The following SRC variants were observed in gnomAD, a reference collection of about 807,000 sequenced individuals.
The protein encoded by SRC is SRC proto-oncogene, non-receptor tyrosine kinase.
A neutral mutation model predicts 62.9 loss-of-function variants in SRC; 13 were observed. The ratio of observed to expected loss-of-function variants is 0.21; its 90% CI spans 0.13 to 0.33. SRC has a LOEUF of 0.33. Ranked by LOEUF, SRC falls within the 10% of genes least tolerant of loss-of-function variation. SRC has a pLI of 1.00. For synonymous variants in SRC, 302 were observed against 317.5 expected (o/e 0.95, Z 0.52); for missense variants, 457 against 737.3 (o/e 0.62, Z 4.40).
intron 1 of SRC, among the ~76,000 whole-genome samples, chr20:37,359,713 C>T (rs780034269): frequency 4.6e-5 from 7 of 152,118 alleles, no homozygotes; most frequent in Non-Finnish European, 7.3e-5. Context: ...CCATCTAAAA[C>T]GCAGGCTTTG....
intron 1 of SRC, among the ~76,000 whole-genome samples, chr20:37,347,736 G>T (rs1322966252): frequency 6.6e-6 from 1 of 152,186 alleles, no homozygotes; most frequent in Non-Finnish European, 1.5e-5. Flanking sequence ...CACCTTTTAG[G>T]AGGTACAGAC....
chr20:37,349,655 G>A (rs1322265786), intron 1 of SRC, among the ~76,000 whole-genome samples: 1 of 152,218 alleles, frequency 6.6e-6, no homozygotes, highest in Non-Finnish European at 1.5e-5. Context: ...CTCTGGGTCT[G>A]GCCCTGCTAG....
intron 1 of SRC, among the ~76,000 whole-genome samples, chr20:37,361,009 A>G (rs2069960084): frequency 2.0e-5 from 3 of 152,130 alleles, no homozygotes; most frequent in Admixed American, 6.5e-5. Flanking sequence ...TAGCCCAGAA[A>G]AGGGTGGCGG....
In SRC at chr20:37,346,205, C is replaced by G. The variant is rs2146867834; in HGVS notation, c.-297C>G. The G allele has an allele frequency of 2.0e-5, 3 of 151,556 alleles. No individual in the cohort carries two copies. The South Asian group carries it at 5.8e-4, about 29-fold the overall frequency. 9.4% of individuals were successfully genotyped at this position (151,556 alleles called of 1,614,324 possible). ...CCGTCCCGCTGGACGTCCCGCGGTC[C>G]GCCCTCCCGTGCGTCCGTCTGCCGG... On this transcript the variant is annotated 5_prime_UTR_variant, in exon 1 of 14. Transcript: ENST00000373578.
At chr20:37,370,379 A>G (rs2146977303) in intron 2 of SRC, among the ~76,000 whole-genome samples, 1 of 152,344 alleles carries the variant, frequency 6.6e-6, no homozygotes, top group Non-Finnish European at 1.5e-5. Context: ...GTTCGAAACC[A>G]GCCTGGCCAA....
chr20:37,348,076 G>A (rs147557753), intron 1 of SRC, among the ~76,000 whole-genome samples: 1 of 152,228 alleles, frequency 6.6e-6, no homozygotes, highest in South Asian at 2.1e-4. Flanking sequence ...GCCCTCCCGC[G>A]TGCCCCTGGG....
chr20:37,370,963 TTTCTTCTTC>T (rs536060536), intron 2 of SRC, among the ~76,000 whole-genome samples: 54 of 147,412 alleles, frequency 3.7e-4, no homozygotes, highest in East Asian at 1.2e-3. Context: ...GAATTTTCTA[TTTCTTCTTC>T]TTCTTCTTCT....
chr20:37,401,716 C>T (rs1360116654), intron 11 of SRC, 38 bp downstream of exon 11: 1 of 1,538,792 alleles, frequency 6.5e-7, no homozygotes. Flanking sequence ...ACCCTTGGTC[C>T]TCAAGCACCC....
intron 10 of SRC, 110 bp downstream of exon 10, chr20:37,400,404 A>T: frequency 1.0e-6 from 1 of 990,364 alleles, no homozygotes; most frequent in Non-Finnish European, 1.4e-6. Flanking sequence ...GGTGGAATGC[A>T]GTAGAGCCAA....
At chr20:37,401,504 A>T in intron 10 of SRC, 98 bp from the exon 11 acceptor site, 2 of 884,594 alleles carry the variant, frequency 2.3e-6, no homozygotes, top group Non-Finnish European at 3.7e-6. Context: ...TGTGCTGGTT[A>T]AAGCAAGGCC....
intron 2 of SRC, among the ~76,000 whole-genome samples, chr20:37,369,058 G>A (rs1469415126): frequency 6.6e-6 from 1 of 152,132 alleles, no homozygotes; most frequent in Non-Finnish European, 1.5e-5. Flanking sequence ...TGGTTTATAA[G>A]TCTACACTTA....
At position 37,402,238 on chromosome 20, in the gene SRC, C is replaced by T. The variant is rs1271902582; in HGVS notation, c.1117-197C>T. ...TTTGCCTTCTGCCCTCTGCTCTGTG[C>T]CCTGTGCTCCCTACTCCCGCAGAGC... is the stretch of plus-strand genomic sequence containing the variant. On this transcript the variant is annotated intron_variant, in intron 11 of 13. Transcript: ENST00000373578. This position sits in a 1 kb window ranked among gnomAD's most constrained non-coding sequence, Gnocchi z 6.2. 4.9e-6 allele frequency: 3 copies of T among 611,036 alleles called. No homozygotes were observed. The highest frequency in any genetic ancestry group is 8.4e-6 in the Non-Finnish European group (3 of 356,628). The allele number at this position is 611,036 out of a possible 1,614,324, so 37.9% of individuals were successfully genotyped here.
chr20:37,374,492 G>C (rs1456785427), intron 2 of SRC, among the ~76,000 whole-genome samples: 1 of 150,998 alleles, frequency 6.6e-6, no homozygotes, highest in Non-Finnish European at 1.5e-5. Context: ...TACTTAATTT[G>C]CTTTTGGTTT....
At chr20:37,400,331 C>T in intron 10 of SRC, 37 bp downstream of exon 10, 1 of 1,564,758 alleles carries the variant, frequency 6.4e-7, no homozygotes, top group Non-Finnish European at 8.7e-7. Context: ...GGCAGGGGCA[C>T]TCCGGACAGG....
intron 1 of SRC, 128 bp downstream of exon 1, chr20:37,346,383 C>G (rs1014866243): frequency 4.6e-5 from 7 of 151,448 alleles, no homozygotes; most frequent in African/African-American, 1.2e-4. Flanking sequence ...ATTCCCACCC[C>G]CCCTCCGGGC....
At chr20:37,386,294 C>T (rs2070454547) in intron 5 of SRC, 120 bp downstream of exon 5, 3 of 1,014,526 alleles carry the variant, frequency 3.0e-6, no homozygotes, top group Non-Finnish European at 4.7e-6. Flanking sequence ...CAGTGCGAAG[C>T]CCAGGGCAGT....
At chr20:37,359,416 A>G (rs916171567) in intron 1 of SRC, among the ~76,000 whole-genome samples, 3 of 152,266 alleles carry the variant, frequency 2.0e-5, no homozygotes, top group African/African-American at 7.2e-5. Flanking sequence ...AGGGCCACGA[A>G]TCCATAATGC....
At chr20:37,375,295 G>A (rs2070259537) in intron 2 of SRC, among the ~76,000 whole-genome samples, 1 of 151,410 alleles carries the variant, frequency 6.6e-6, no homozygotes. Context: ...GCAGTGCTGT[G>A]ATAATGGCTC....
Position 37,396,927 on chromosome 20 carries a change from C to T in SRC, c.703+616C>T, listed in dbSNP as rs2070662617. ...GTGTTGGTCCACTCCCCACCCCGAG[C>T]CTCCTCCTCCTCTCAGCTTGGCCTC... On this transcript the variant is annotated intron_variant, in intron 8 of 13. Coordinates refer to ENST00000373578, the MANE Select transcript of SRC (RefSeq NM_198291.3). This position sits in a 1 kb window ranked among gnomAD's most constrained non-coding sequence, Gnocchi z 6.1. Among the ~76,000 whole-genome samples the T allele has an allele frequency of 6.6e-6, 1 of 152,036 alleles. No homozygotes were observed. Among genetic ancestry groups the T allele is most frequent in the Non-Finnish European group, 1.5e-5 (1 of 67,984 alleles).
Sources: allele counts gnomAD v4.1 joint callset (sites outside exome capture counted in the v4.1 genomes callset), GRCh38; gene constraint gnomAD v4.1.1; non-coding constraint Gnocchi (gnomAD v3.1); transcripts MANE v1.5; gene names NCBI Gene and HGNC (gene_info 2026-07-23, HGNC 2026-07-21).